Variants in WDR11 observed in about 807,000 individuals in gnomAD.
The protein encoded by WDR11 is WD repeat-containing protein 11.
A neutral mutation model predicts 151.2 loss-of-function variants in WDR11; 83 were observed. That is an observed-to-expected ratio of 0.55 (90% confidence interval 0.46 to 0.66). WDR11 has a LOEUF of 0.66. Ranked by LOEUF, WDR11 falls within the 30% of genes least tolerant of loss-of-function variation. WDR11 has a pLI of 0.00. For synonymous variants in WDR11, 484 were observed against 533.1 expected (o/e 0.91, Z 1.27); for missense variants, 1,301 against 1,480.9 (o/e 0.88, Z 1.99).
chr10:120,902,402 C>A (rs1242279682), intron 22 of WDR11, 80 bp downstream of exon 22: 34 of 1,277,904 alleles, frequency 2.7e-5, no homozygotes, highest in Middle Eastern at 3.9e-4. Context: ...TAGTTAGAAA[C>A]ACTTAGATTT....
chr10:120,885,276 T>C (rs5017944), intron 14 of WDR11, among the ~76,000 whole-genome samples: 7,559 of 92,606 alleles, frequency 0.082, 211 homozygotes, highest in East Asian at 0.12. Flanking sequence ...ATGAAGTATA[T>C]ATATATATAT....
At chr10:120,877,655 G>A (rs1307055920) in intron 11 of WDR11, among the ~76,000 whole-genome samples, 1 of 152,020 alleles carries the variant, frequency 6.6e-6, no homozygotes, top group Non-Finnish European at 1.5e-5. Flanking sequence ...CTTTCACGAT[G>A]TATTATAAAA....
intron 4 of WDR11, 90 bp downstream of exon 4, chr10:120,860,372 C>G: frequency 7.2e-7 from 1 of 1,396,408 alleles, no homozygotes; most frequent in Non-Finnish European, 9.9e-7. Context: ...ACACATTATA[C>G]ATCTATAATG....
intron 27 of WDR11, 186 bp from the exon 28 acceptor site, chr10:120,906,590 T>C: frequency 6.9e-7 from 1 of 1,452,372 alleles, no homozygotes; most frequent in Non-Finnish European, 9.0e-7. Flanking sequence ...AAAAAGCTTG[T>C]GTTTGGAGAT....
rs374809430 is a variant in WDR11, at chr10:120,905,988, G to A, written c.3404G>A (p.Gly1135Asp). The A allele has an allele frequency of 2.7e-5, 43 of 1,613,920 alleles. No homozygotes were observed. The highest frequency in any genetic ancestry group is 3.1e-5 in the Non-Finnish European group (36 of 1,180,036). Reference sequence around the variant, plus strand: ...GCTCTCCTGGTTCTCCTCTCTCTGGGCTGCTTTTTTAGCGTGGCAGAGACG... The same window carrying A: ...GCTCTCCTGGTTCTCCTCTCTCTGGACTGCTTTTTTAGCGTGGCAGAGACG... Reference protein sequence around the residue: ...SKALLVLLSLGCFFSVAETLH... With the variant: ...SKALLVLLSLDCFFSVAETLH... The change falls in exon 27 of 29, where the codon GGC (glycine) becomes GAC (aspartate). Residue 1135 changes from glycine to aspartate, a missense_variant. This residue lies in a region of WDR11 where 589 missense variants were observed against 670.6 expected (regional missense o/e 0.88). Coordinates refer to ENST00000263461, the MANE Select transcript of WDR11 (RefSeq NM_018117.12).
At position 120,883,870 on chromosome 10, in the gene WDR11, C is replaced by A; in HGVS notation, c.1830C>A (p.Phe610Leu). The A allele has an allele frequency of 6.2e-7, 1 of 1,612,866 alleles. No individual in the cohort carries two copies. Among genetic ancestry groups the A allele is most frequent in the Non-Finnish European group, 8.5e-7 (1 of 1,179,152 alleles). Reference protein sequence around the residue: ...CTLLREMSKNFPTITALEWSP... With the variant: ...CTLLREMSKNLPTITALEWSP... ...TTCTTAGAGAGATGTCCAAAAACTT[C>A]CCTACAATAACTGCTTTGGTAAGTT... Residue 610 changes from phenylalanine to leucine, a missense_variant, in exon 14 of 29, where the codon TTC becomes TTA. Transcript: ENST00000263461.
chr10:120,872,974 C>T (rs535397176), intron 10 of WDR11, among the ~76,000 whole-genome samples: 52 of 152,208 alleles, frequency 3.4e-4, no homozygotes, highest in Admixed American at 5.2e-4. Flanking sequence ...AAGTGATTGT[C>T]CATATAGACT....
chr10:120,904,895 C>T, intron 25 of WDR11, 84 bp downstream of exon 25: 3 of 1,504,156 alleles, frequency 2.0e-6, no homozygotes, highest in Non-Finnish European at 2.8e-6. Flanking sequence ...AGGGACATTT[C>T]TTTCTCTTTT....
intron 11 of WDR11, among the ~76,000 whole-genome samples, chr10:120,874,183 T>G (rs1309711512): frequency 1.3e-4 from 8 of 61,160 alleles, no homozygotes; most frequent in South Asian, 5.1e-4. Flanking sequence ...GCAGTTTTTT[T>G]TTTTTTTTTG....
At chr10:120,879,388 G>A (rs1846917425) in intron 12 of WDR11, 1 of 152,080 alleles carries the variant, frequency 6.6e-6, no homozygotes, top group Non-Finnish European at 1.5e-5. Flanking sequence ...CATTGGAAGT[G>A]ACCTGTCCAC....
intron 4 of WDR11, 71 bp from the exon 5 acceptor site, chr10:120,862,664 A>C: frequency 6.7e-7 from 1 of 1,487,838 alleles, no homozygotes; most frequent in Non-Finnish European, 9.4e-7. Flanking sequence ...TGCTCTCAAA[A>C]TTGTATTGGA....
At position 120,906,332 on chromosome 10, in the gene WDR11, C is replaced by T. The variant is rs41309992; in HGVS notation, c.3437+311C>T. 191,850 of 1,273,624 alleles carry T rather than the reference C, an allele frequency of 0.15. 15,297 individuals are homozygous for T. The highest frequency in any genetic ancestry group is 0.22 in the South Asian group (13,545 of 61,192). The allele number at this position is 1,273,624 out of a possible 1,614,324, so 78.9% of individuals were successfully genotyped here. A position where few individuals can be genotyped will look rare whatever the true frequency, so the allele number is the denominator to read the frequency against. ...TTGACTAGAGCAACTGAGAGGAGGCCCAGAGAGCAGGGGGAGAGGCGACAG... is the reference window on the plus strand; with the variant it reads ...TTGACTAGAGCAACTGAGAGGAGGCTCAGAGAGCAGGGGGAGAGGCGACAG... On this transcript the variant is annotated intron_variant, in intron 27 of 28. Transcript: ENST00000263461.
At chr10:120,853,606 C>T (rs997919887) in intron 2 of WDR11, among the ~76,000 whole-genome samples, 1 of 152,104 alleles carries the variant, frequency 6.6e-6, no homozygotes, top group Admixed American at 6.6e-5. Flanking sequence ...TGACCATATT[C>T]GCGTCTTAGA....
intron 2 of WDR11, among the ~76,000 whole-genome samples, chr10:120,854,690 A>G (rs533075214): frequency 6.6e-6 from 1 of 152,224 alleles, no homozygotes; most frequent in South Asian, 2.1e-4. Flanking sequence ...TAACCATCCT[A>G]ATGGGTATGA....
chr10:120,871,265 C>T lies in WDR11; in HGVS notation c.1390C>T (p.Pro464Ser), dbSNP rs146124725. ...GCTGACGGGACTGCTTTCAGGACTG[C>T]CCGCACCACAGTTTGCTATTCGTAT... ...FLLTGLLSGL[P>S]APQFAIRMCP... Residue 464 changes from proline to serine, a missense_variant, in exon 10 of 29, where the codon CCC becomes TCC. Pro to Ser is a moderately conservative substitution (Grantham distance 74). Around this residue, in one of 3 missense-constraint regions of WDR11, gnomAD observed 692 missense variants for 762.5 expected, o/e 0.91. Transcript: ENST00000263461. 2 of 1,614,002 alleles carry T rather than the reference C, an allele frequency of 1.2e-6. No homozygotes were observed. Among genetic ancestry groups the T allele is most frequent in the African/African-American group, 2.7e-5 (2 of 74,900 alleles).
chr10:120,895,288 T>C (rs941743954), intron 19 of WDR11, among the ~76,000 whole-genome samples: 6 of 152,122 alleles, frequency 3.9e-5, no homozygotes, highest in African/African-American at 1.2e-4. Context: ...CTAAAACATA[T>C]ACATATGCTA....
At chr10:120,880,770 T>C (rs559430205) in intron 12 of WDR11, 56 bp from the exon 13 acceptor site, 1 of 1,483,062 alleles carries the variant, frequency 6.7e-7, no homozygotes, top group South Asian at 1.2e-5. Context: ...TGGCTTCTTG[T>C]TTTTCATACA....
chr10:120,871,376 T>A, intron 10 of WDR11, 30 bp downstream of exon 10: 2 of 1,585,456 alleles, frequency 1.3e-6, no homozygotes, highest in Non-Finnish European at 1.7e-6. Flanking sequence ...TTTTTTTTTT[T>A]AACTCACTTT....
chr10:120,852,467 G>A, intron 1 of WDR11, 57 bp from the exon 2 acceptor site: 1 of 1,457,456 alleles, frequency 6.9e-7, no homozygotes, highest in Non-Finnish European at 9.6e-7. Context: ...GGCTTGGCAA[G>A]AAAGAAGTCG....
Sources: gnomAD v4.1 joint callset for allele counts (sites outside exome capture counted in the v4.1 genomes callset) on GRCh38, gnomAD v4.1.1 for gene constraint, gnomAD v4.1.1 regional missense constraint, MANE v1.5 for transcripts, NCBI Gene and HGNC (gene_info 2026-07-23, HGNC 2026-07-21) for gene names.